CCDC82: variants seen among roughly 807,000 people sequenced by gnomAD.
CCDC82 encodes coiled-coil domain-containing protein 82.
Under a neutral mutation model 60.6 loss-of-function variants are expected in CCDC82, and 47 were observed. The observed-to-expected ratio is 0.77, with a 90% CI of 0.61 to 0.99. The LOEUF (loss-of-function observed/expected upper bound fraction) is 0.99, where lower values mean the gene tolerates loss of function less well. Ranked by LOEUF, CCDC82 falls within the 50% of genes least tolerant of loss-of-function variation. The pLI is 0.00. For missense variants in CCDC82, 588 were observed against 633.0 expected (o/e 0.93, Z 0.76); for synonymous variants, 212 against 207.4 (o/e 1.02, Z -0.19).
chr11:96,383,922 A>G (rs1052935345), intron 4 of CCDC82, 40 bp downstream of exon 4: 2 of 1,536,474 alleles, frequency 1.3e-6, no homozygotes, highest in Non-Finnish European at 1.7e-6. Context: ...TTAAGAAAAA[A>G]ACTGAAAAAC....
chr11:96,372,195 A>G (rs1052487043), intron 6 of CCDC82, among the ~76,000 whole-genome samples: 2 of 152,094 alleles, frequency 1.3e-5, no homozygotes, highest in African/African-American at 2.4e-5. Context: ...TAAGCAAGTA[A>G]TCCACGTATT....
chr11:96,368,685 C>A (rs1213793659), intron 7 of CCDC82, among the ~76,000 whole-genome samples: 4 of 151,732 alleles, frequency 2.6e-5, no homozygotes, highest in African/African-American at 7.3e-5. Flanking sequence ...GATAAGATGG[C>A]GAAACCCCGT....
At chr11:96,374,045 A>G (rs1865434800) in intron 5 of CCDC82, among the ~76,000 whole-genome samples, 1 of 152,210 alleles carries the variant, frequency 6.6e-6, no homozygotes, top group Admixed American at 6.5e-5. Context: ...AATCTCACAC[A>G]TGACATCATC....
At chr11:96,389,042 T>G (rs1866377521) in intron 1 of CCDC82, 1 of 152,210 alleles carries the variant, frequency 6.6e-6, no homozygotes, top group Non-Finnish European at 1.5e-5. Flanking sequence ...AGTGTATGAT[T>G]AAGATCAAGT....
chr11:96,376,949 C>T (rs1010830708), intron 5 of CCDC82, among the ~76,000 whole-genome samples: 1 of 152,170 alleles, frequency 6.6e-6, no homozygotes, highest in African/African-American at 2.4e-5. Flanking sequence ...TCCTGGGACA[C>T]TACAGAGCTG....
intron 5 of CCDC82, among the ~76,000 whole-genome samples, chr11:96,378,258 C>T (rs67783209): frequency 0.047 from 7,111 of 152,018 alleles, 257 homozygotes; most frequent in Middle Eastern, 0.12. Flanking sequence ...TTTTAGCTAG[C>T]TCCCTTTCAC....
chr11:96,369,942 T>A (rs189307090), intron 7 of CCDC82, among the ~76,000 whole-genome samples: 13 of 152,338 alleles, frequency 8.5e-5, no homozygotes, highest in Admixed American at 7.2e-4. Context: ...AGAAAATAAG[T>A]ATATACAGTA....
chr11:96,369,309 G>A (rs1456106235), intron 7 of CCDC82, among the ~76,000 whole-genome samples: 1 of 152,126 alleles, frequency 6.6e-6, no homozygotes, highest in African/African-American at 2.4e-5. Context: ...TTGACTAACT[G>A]TCTGGCACAA....
intron 9 of CCDC82, chr11:96,358,537 T>C: frequency 2.4e-6 from 3 of 1,234,072 alleles, no homozygotes; most frequent in Non-Finnish European, 3.0e-6. Context: ...GAAGAGGATG[T>C]GGGTGTATTA....
chr11:96,369,187 T>C (rs1421571279), intron 7 of CCDC82, among the ~76,000 whole-genome samples: 2 of 152,226 alleles, frequency 1.3e-5, no homozygotes, highest in Non-Finnish European at 2.9e-5. Flanking sequence ...TGTAGCTAGT[T>C]TGATCTTCAA....
intron 5 of CCDC82, chr11:96,382,819 C>T (rs71475390): frequency 0.03 from 4,618 of 153,052 alleles, 110 homozygotes; most frequent in Non-Finnish European, 0.042. Flanking sequence ...ACAGACTGAA[C>T]GTAAAAGCAG....
intron 5 of CCDC82, chr11:96,382,829 G>T (rs570597466): frequency 1.3e-5 from 2 of 153,676 alleles, no homozygotes; most frequent in African/African-American, 4.8e-5. Context: ...CGTAAAAGCA[G>T]ATATAAGAAT....
rs772155517 is a variant in CCDC82 at position 96,384,655 on chromosome 11, T to A, written c.93A>T (p.Arg31Ser). 7 of 1,613,530 alleles carry A rather than the reference T, an allele frequency of 4.3e-6. No homozygotes were observed. Among genetic ancestry groups the A allele is most frequent in the South Asian group, 1.1e-5 (1 of 91,008 alleles). The change falls in exon 4 of 10, where the codon AGA becomes AGT. Residue 31 changes from arginine (R) to serine (S), a missense_variant. Coordinates refer to ENST00000646818, the MANE Select transcript of CCDC82 (RefSeq NM_024725.4). ...TATCAAGTAATTGTGAGATACTACT[T>A]CTTTTAGTTCGCCTCCAATCAACTC... is the stretch of plus-strand genomic sequence containing the variant. ...KSRVDWRRTK[R>S]SSISQLLDSD...
intron 7 of CCDC82, among the ~76,000 whole-genome samples, chr11:96,370,702 C>G (rs1350691957): frequency 5.3e-5 from 8 of 152,188 alleles, no homozygotes; most frequent in African/African-American, 1.9e-4. Context: ...TCTCAAATTT[C>G]TTTGACCATG....
At chr11:96,376,164 T>C (rs1182513060) in intron 5 of CCDC82, among the ~76,000 whole-genome samples, 1 of 152,260 alleles carries the variant, frequency 6.6e-6, no homozygotes. Flanking sequence ...TCATTCTTTG[T>C]TGATTTCCAT....
At chr11:96,370,511 T>C (rs977414759) in intron 7 of CCDC82, among the ~76,000 whole-genome samples, 2 of 152,222 alleles carry the variant, frequency 1.3e-5, no homozygotes, top group African/African-American at 4.8e-5. Context: ...CCAAACAATG[T>C]GTTATGGAAA....
At chr11:96,369,998 T>C (rs942699278) in intron 7 of CCDC82, among the ~76,000 whole-genome samples, 4 of 152,232 alleles carry the variant, frequency 2.6e-5, no homozygotes, top group Admixed American at 2.6e-4. Context: ...GAAGAAGAAA[T>C]GGGTTCAGAG....
chr11:96,358,685 C>T (rs1285279918), intron 9 of CCDC82: 1 of 897,950 alleles, frequency 1.1e-6, no homozygotes, highest in Non-Finnish European at 1.5e-6. Context: ...AAAAAAAAAT[C>T]AGGGGACTTA....
chr11:96,358,704 G>A (rs1231635518), intron 9 of CCDC82: 6 of 1,168,664 alleles, frequency 5.1e-6, no homozygotes, highest in Non-Finnish European at 6.6e-6. Flanking sequence ...TAATATATAT[G>A]TAAGCAATAC....
Sources: allele counts gnomAD v4.1 joint callset (sites outside exome capture counted in the v4.1 genomes callset), GRCh38; gene constraint gnomAD v4.1.1; transcripts MANE v1.5; gene names NCBI Gene and HGNC (gene_info 2026-07-23, HGNC 2026-07-21).